Variants in KSR1 observed in about 807,000 individuals in gnomAD.
The protein encoded by KSR1 is kinase suppressor of ras 1.
Under a neutral mutation model 92.9 loss-of-function variants are expected in KSR1, and 35 were observed. That is an observed-to-expected ratio of 0.38 (90% confidence interval 0.29 to 0.50). KSR1 has a LOEUF of 0.50. KSR1 is among the 20% of genes least tolerant of loss of function. The pLI, the probability that KSR1 is intolerant of heterozygous loss-of-function variation, is 0.94. For synonymous variants in KSR1, 467 were observed against 472.6 expected (o/e 0.99, Z 0.15); for missense variants, 972 against 1,158.5 (o/e 0.84, Z 2.34).
intron 1 of KSR1, among the ~76,000 whole-genome samples, chr17:27,541,831 G>GT (rs1255425394): frequency 6.6e-6 from 1 of 152,244 alleles, no homozygotes; most frequent in African/African-American, 2.4e-5. Flanking sequence ...TGATTTGTGA[G>GT]TGACGGCAAA....
Position 27,605,712 on chromosome 17 carries a change from C to T in KSR1, c.1893C>T (p.Leu631=), listed in dbSNP as rs1390579880. 5 of 1,612,834 alleles carry T rather than the reference C, an allele frequency of 3.1e-6. No individual in the cohort carries two copies. The African/African-American group carries it at 5.3e-5, about 17-fold the overall frequency. ...MDGHNQDHLK[L]FKKEVMNYRQ... The stretch of plus-strand genomic sequence containing the variant: ...GCCACAACCAGGACCACCTGAAGCT[C>T]TTCAAGAAAGAGGTGATGAACTACC... Residue 631 remains leucine, a synonymous_variant, in exon 14 of 21, where the codon CTC becomes CTT. Coordinates refer to ENST00000644974, the MANE Select transcript of KSR1 (RefSeq NM_001394583.1).
intron 2 of KSR1, among the ~76,000 whole-genome samples, chr17:27,563,172 C>T (rs1205282538): frequency 6.6e-6 from 1 of 152,216 alleles, no homozygotes. Flanking sequence ...ACTCTTTACC[C>T]TCTTGATTTC....
intron 1 of KSR1, among the ~76,000 whole-genome samples, chr17:27,502,157 A>G (rs956689016): frequency 2.6e-5 from 4 of 152,220 alleles, no homozygotes; most frequent in Admixed American, 2.0e-4. Flanking sequence ...CAGCTAGGAA[A>G]TGGCAGAGCT....
At chr17:27,494,031 G>A (rs1473882332) in intron 1 of KSR1, among the ~76,000 whole-genome samples, 4 of 152,102 alleles carry the variant, frequency 2.6e-5, no homozygotes, top group Admixed American at 6.5e-5. Context: ...TGTAGCAGCT[G>A]TCATCAATGT....
At chr17:27,509,957 A>G (rs778049541) in intron 1 of KSR1, among the ~76,000 whole-genome samples, 5 of 152,246 alleles carry the variant, frequency 3.3e-5, no homozygotes, top group African/African-American at 7.2e-5. Context: ...AGGTGGGCAG[A>G]CTTGGCTCAG....
intron 2 of KSR1, among the ~76,000 whole-genome samples, chr17:27,560,040 G>A (rs1003012580): frequency 6.6e-6 from 1 of 152,212 alleles, no homozygotes; most frequent in Non-Finnish European, 1.5e-5. Flanking sequence ...TGAGAGTGAC[G>A]GGGTGAGGAG....
At chr17:27,470,301 G>T (rs895741473) in intron 1 of KSR1, among the ~76,000 whole-genome samples, 2 of 149,890 alleles carry the variant, frequency 1.3e-5, no homozygotes, top group African/African-American at 5.0e-5. Context: ...GAGTGCAGTG[G>T]TGCGATCTCG....
chr17:27,548,852 A>T (rs1024423227), intron 1 of KSR1, among the ~76,000 whole-genome samples: 1 of 151,846 alleles, frequency 6.6e-6, no homozygotes, highest in African/African-American at 2.4e-5. Context: ...AAATATAGTG[A>T]GATACAGGCT....
chr17:27,497,310 C>T (rs1353582311), intron 1 of KSR1, among the ~76,000 whole-genome samples: 1 of 152,226 alleles, frequency 6.6e-6, no homozygotes, highest in African/African-American at 2.4e-5. Flanking sequence ...GGGCTTCATC[C>T]TCTTATCGTG....
chr17:27,595,565 A>G (rs1308569813), intron 9 of KSR1, among the ~76,000 whole-genome samples: 1 of 152,128 alleles, frequency 6.6e-6, no homozygotes, highest in Non-Finnish European at 1.5e-5. Flanking sequence ...CTCCAAACCC[A>G]GTGCTCTTTT....
Position 27,483,101 on chromosome 17 carries a change from A to G in KSR1, c.231+26227A>G, listed in dbSNP as rs2068556747. Among the ~76,000 whole-genome samples the G allele has an allele frequency of 2.6e-5, 4 of 152,120 alleles. No homozygotes were observed. The South Asian group carries it at 8.3e-4, about 32-fold the overall frequency. On this transcript the variant is annotated intron_variant, in intron 1 of 20. Transcript: ENST00000644974. ...TTATCTGCTCATGTGATGTGGTTTG[A>G]GTCTACAGGTAAAAAAATAGATTTT...
chr17:27,526,529 T>G (rs2070305220), intron 1 of KSR1: 1 of 1,604,134 alleles, frequency 6.2e-7, no homozygotes, highest in Admixed American at 1.7e-5. Context: ...TCTCACACTC[T>G]CGCTCTGTCT....
chr17:27,500,980 C>T (rs970291321), intron 1 of KSR1, among the ~76,000 whole-genome samples: 2 of 152,148 alleles, frequency 1.3e-5, no homozygotes, highest in African/African-American at 2.4e-5. Flanking sequence ...ATGACAATGG[C>T]GGATGTTTTT....
At chr17:27,588,627 T>A in intron 6 of KSR1, 92 bp downstream of exon 6, 1 of 1,181,936 alleles carries the variant, frequency 8.5e-7, no homozygotes, top group Non-Finnish European at 1.2e-6. Context: ...CTCAGCGAGC[T>A]CTTTGCCTCT....
chr17:27,601,261 T>G, intron 10 of KSR1, 99 bp from the exon 11 acceptor site: 1 of 1,046,932 alleles, frequency 9.6e-7, no homozygotes, highest in Non-Finnish European at 1.4e-6. Flanking sequence ...CCCAGCCCAG[T>G]AACAAGTCCC....
At chr17:27,555,171 A>G (rs2071543327) in intron 2 of KSR1, among the ~76,000 whole-genome samples, 1 of 152,018 alleles carries the variant, frequency 6.6e-6, no homozygotes, top group Admixed American at 6.5e-5. Flanking sequence ...CCTTAATTTC[A>G]TGACGTTGAC....
Position 27,501,292 on chromosome 17 carries a change from C to CTTTTTTTTTTTTTTTTTTTTTTTTT in KSR1, c.231+44419_231+44443dup. On this transcript the variant is annotated intron_variant, in intron 1 of 20. Transcript: ENST00000644974. Reference sequence around the variant, plus strand: ...TTTTTTTTTTTTAATTTCTTTTCTTCTTTTTTTTTTTTTTTTTTTTTTTTT... The same window carrying CTTTTTTTTTTTTTTTTTTTTTTTTT: ...TTTTTTTTTTTTAATTTCTTTTCTTCTTTTTTTTTTTTTTTTTTTTTTTTTTTTTTTTTTTTTTTTTTTTTTTTTT... Among the ~76,000 whole-genome samples the CTTTTTTTTTTTTTTTTTTTTTTTTT allele has an allele frequency of 6.0e-5, 3 of 49,704 alleles. 1 individual carries two copies. The highest frequency in any genetic ancestry group is 2.6e-3 in the South Asian group (2 of 782). 32.6% of individuals were successfully genotyped at this position (49,704 alleles called of 152,430 possible). A position where few individuals can be genotyped will look rare whatever the true frequency, so the allele number is the denominator to read the frequency against.
Position 27,472,759 on chromosome 17 carries a change from T to C in KSR1, c.231+15885T>C, listed in dbSNP as rs1390947754. On this transcript the variant is annotated intron_variant, in intron 1 of 20. Coordinates refer to ENST00000644974, the MANE Select transcript of KSR1 (RefSeq NM_001394583.1). ...CGGAGGTTGCAGTGAGCTGAGATCA[T>C]GTCACTGCACTCTAGCCTAGGCAAC... Among the ~76,000 whole-genome samples the C allele has an allele frequency of 2.0e-5, 3 of 152,182 alleles. No individual in the cohort carries two copies. In the East Asian group the frequency reaches 5.8e-4, roughly 29 times the overall value.
chr17:27,573,326 G>A (rs1291186626), intron 2 of KSR1, among the ~76,000 whole-genome samples: 1 of 152,214 alleles, frequency 6.6e-6, no homozygotes, highest in East Asian at 1.9e-4. Context: ...GAAAGCGGGG[G>A]TTTTCTGTTT....
Sources: gnomAD v4.1 joint callset for allele counts (sites outside exome capture counted in the v4.1 genomes callset) on GRCh38, gnomAD v4.1.1 for gene constraint, MANE v1.5 for transcripts, NCBI Gene and HGNC (gene_info 2026-07-23, HGNC 2026-07-21) for gene names.